USP13: variants seen among roughly 807,000 people sequenced by gnomAD.
USP13 encodes the protein ubiquitin specific peptidase 13, also known as ubiquitin carboxyl-terminal hydrolase 13.
In USP13, 68 loss-of-function variants were observed where a neutral mutation model predicts 107.8. The observed-to-expected ratio is 0.63, with a 90% CI of 0.52 to 0.77. The LOEUF (loss-of-function observed/expected upper bound fraction) is 0.77, where lower values mean the gene tolerates loss of function less well. Among genes scored for constraint, USP13 ranks in the 30% least tolerant of loss-of-function variants. USP13 has a pLI of 0.00. For missense variants in USP13, 945 were observed against 1,093.3 expected (o/e 0.86, Z 1.91); for synonymous variants, 377 against 389.5 (o/e 0.97, Z 0.38).
At chr3:179,698,779 G>A (rs1409041022) in intron 3 of USP13, among the ~76,000 whole-genome samples, 2 of 151,676 alleles carry the variant, frequency 1.3e-5, no homozygotes, top group Non-Finnish European at 2.9e-5. Flanking sequence ...GATGAATTTT[G>A]TGTTTTTAGC....
At chr3:179,763,739 C>A (rs766762026) in intron 17 of USP13, among the ~76,000 whole-genome samples, 1 of 152,090 alleles carries the variant, frequency 6.6e-6, no homozygotes, top group African/African-American at 2.4e-5. Flanking sequence ...GTGTGCACCA[C>A]CATGCCCTGC....
rs1044240938 is a variant in USP13, at chr3:179,690,164, C to T, written c.295-77C>T. ...TTGGCCTTCTGTAAAAACTAGGAAC[C>T]TCTGAGATGTGCTTTTCCCTCACAA... On this transcript the variant is annotated intron_variant, in intron 2 of 20. Coordinates refer to ENST00000263966, the MANE Select transcript of USP13 (RefSeq NM_003940.3). The T allele has an allele frequency of 4.3e-6, 6 of 1,397,738 alleles. No individual in the cohort carries two copies. The African/African-American group carries it at 8.6e-5, about 20-fold the overall frequency. The allele number at this position is 1,397,738 out of a possible 1,614,324, so 86.6% of individuals were successfully genotyped here.
At position 179,653,452 on chromosome 3, in the gene USP13, G is replaced by A. The variant is rs913317850; in HGVS notation, c.168+59G>A. The A allele has an allele frequency of 3.3e-6, 5 of 1,523,826 alleles. No homozygotes were observed. Among genetic ancestry groups the A allele is most frequent in the African/African-American group, 1.4e-5 (1 of 71,744 alleles). The allele number at this position is 1,523,826 out of a possible 1,614,324, so 94.4% of individuals were successfully genotyped here. On this transcript the variant is annotated intron_variant, in intron 1 of 20. Transcript: ENST00000263966. The surrounding 1 kb of genome is among the most constrained non-coding windows in gnomAD (Gnocchi z 4.0). ...CCGGCGGCCTGCGGCACGTGAAGCC[G>A]GGGGAGAAGATGCGCAGTGGCGGCC...
chr3:179,763,894 C>A, intron 17 of USP13, 108 bp from the exon 18 acceptor site: 3 of 1,381,492 alleles, frequency 2.2e-6, no homozygotes, highest in South Asian at 1.5e-5. Context: ...CCCAGACTGT[C>A]TTGATTATTA....
At chr3:179,666,673 C>A (rs1720595494) in intron 1 of USP13, among the ~76,000 whole-genome samples, 1 of 152,200 alleles carries the variant, frequency 6.6e-6, no homozygotes, top group African/African-American at 2.4e-5. Flanking sequence ...GGGTGCCTGG[C>A]ACAGGCTGCT....
rs146097870 is a variant in USP13 at position 179,665,753 on chromosome 3, T to C, written c.168+12360T>C. On this transcript the variant is annotated intron_variant, in intron 1 of 20. Transcript: ENST00000263966. ...GGCATGCACCACCATGCCCAGCTAATTTTTGTATTTTTAGTAGAGGCAGGG... is the reference window on the plus strand; with the variant it reads ...GGCATGCACCACCATGCCCAGCTAACTTTTGTATTTTTAGTAGAGGCAGGG... Among the ~76,000 whole-genome samples the C allele has an allele frequency of 4.3e-3, 653 of 152,186 alleles. 8 individuals carry two copies. Among genetic ancestry groups the C allele is most frequent in the African/African-American group, 0.015 (616 of 41,522 alleles).
At chr3:179,712,183 G>T (rs907696246) in intron 6 of USP13, among the ~76,000 whole-genome samples, 2 of 152,146 alleles carry the variant, frequency 1.3e-5, no homozygotes, top group Admixed American at 1.3e-4. Flanking sequence ...TATTCTTTGT[G>T]TATCTTTCGT....
Position 179,701,234 on chromosome 3 carries a change from C to T in USP13, c.477+105C>T, listed in dbSNP as rs1712510793. 1.2e-5 allele frequency: 15 copies of T among 1,241,562 alleles called. 1 individual carries two copies. In the South Asian group the frequency reaches 2.0e-4, roughly 17 times the overall value. The allele number at this position is 1,241,562 out of a possible 1,614,324, so 76.9% of individuals were successfully genotyped here. Reference sequence around the variant, plus strand: ...GGGGGTGGGGTGGGGTGGGAAAAGCCGGTTGAATGAGAGAAGAGGATGAAA... The same window carrying T: ...GGGGGTGGGGTGGGGTGGGAAAAGCTGGTTGAATGAGAGAAGAGGATGAAA... On this transcript the variant is annotated intron_variant, in intron 4 of 20. Coordinates refer to ENST00000263966, the MANE Select transcript of USP13 (RefSeq NM_003940.3).
At chr3:179,772,340 G>A (rs1018827792) in intron 19 of USP13, among the ~76,000 whole-genome samples, 1 of 152,244 alleles carries the variant, frequency 6.6e-6, no homozygotes, top group African/African-American at 2.4e-5. Context: ...AGAACTCACT[G>A]ATTGCCAATG....
Position 179,784,130 on chromosome 3 carries a change from A to G in USP13, c.2581A>G (p.Ile861Val), listed in dbSNP as rs1715843675. The change falls in exon 21 of 21, where the codon ATA (isoleucine) becomes GTA (valine). Residue 861 changes from isoleucine (I) to valine (V), a missense_variant. By Grantham distance (29) the Ile-to-Val change is conservative. Coordinates refer to ENST00000263966, the MANE Select transcript of USP13 (RefSeq NM_003940.3). ...GGGCTACATGTACTTTTACCGCAGG[A>G]TACCAAGCTAAACCTCAAATATAAA... ...DLGYMYFYRRIPS is the reference protein window; with the variant it reads ...DLGYMYFYRRVPS 15 of 1,610,124 alleles carry G rather than the reference A, an allele frequency of 9.3e-6. No homozygotes were observed. The highest frequency in any genetic ancestry group is 1.3e-5 in the Non-Finnish European group (15 of 1,178,910).
At chr3:179,656,074 T>C (rs1720251396) in intron 1 of USP13, among the ~76,000 whole-genome samples, 1 of 152,172 alleles carries the variant, frequency 6.6e-6, no homozygotes, top group African/African-American at 2.4e-5. Context: ...CCTGCATTGG[T>C]TACTGTTGAA....
intron 8 of USP13, 99 bp from the exon 9 acceptor site, chr3:179,730,090 C>A: frequency 9.0e-7 from 1 of 1,112,944 alleles, no homozygotes; most frequent in Non-Finnish European, 1.3e-6. Context: ...TTTAGTTTGA[C>A]AAAGGGGCAA....
At chr3:179,759,836 G>C (rs796629974) in intron 16 of USP13, among the ~76,000 whole-genome samples, 26 of 152,158 alleles carry the variant, frequency 1.7e-4, no homozygotes, top group African/African-American at 6.3e-4. Context: ...ACCACCCCCA[G>C]CTAACTTTTG....
chr3:179,692,540 G>A (rs1712149785), intron 3 of USP13, among the ~76,000 whole-genome samples: 1 of 152,196 alleles, frequency 6.6e-6, no homozygotes, highest in Non-Finnish European at 1.5e-5. Context: ...GAACCCCAAA[G>A]CTGAAATTAT....
chr3:179,771,835 A>G (rs1715351017), intron 19 of USP13, among the ~76,000 whole-genome samples: 1 of 152,250 alleles, frequency 6.6e-6, no homozygotes, highest in Non-Finnish European at 1.5e-5. Context: ...TGAATGTGGA[A>G]GTAATGCTAC....
chr3:179,713,582 G>A (rs1465579942), intron 6 of USP13, among the ~76,000 whole-genome samples: 3 of 152,018 alleles, frequency 2.0e-5, no homozygotes, highest in Non-Finnish European at 2.9e-5. Context: ...TTCCACACTC[G>A]CTGGGCTCAC....
rs1350806322 is a variant in USP13, at chr3:179,653,195, G to T, written c.-31G>T. ...AGACCCCGCGCTCCGGCTCCGGCTC[G>T]GCTCGCTCGGCTCCGGTGCGCGCCG... On this transcript the variant is annotated 5_prime_UTR_variant, in exon 1 of 21. Coordinates refer to ENST00000263966, the MANE Select transcript of USP13 (RefSeq NM_003940.3). This position sits in a 1 kb window ranked among gnomAD's most constrained non-coding sequence, Gnocchi z 4.0. 7.5e-7 allele frequency: 1 copy of T among 1,326,882 alleles called. No individual in the cohort carries two copies. The highest frequency in any genetic ancestry group is 2.7e-4 in the Middle Eastern group (1 of 3,698). The allele number at this position is 1,326,882 out of a possible 1,614,324, so 82.2% of individuals were successfully genotyped here.
chr3:179,770,313 T>C (rs865939813), intron 19 of USP13, among the ~76,000 whole-genome samples: 14 of 152,210 alleles, frequency 9.2e-5, no homozygotes, highest in African/African-American at 2.2e-4. Context: ...CAAAGCTGTA[T>C]GGTTTTCTTC....
intron 3 of USP13, among the ~76,000 whole-genome samples, chr3:179,695,313 AT>A (rs1246591274): frequency 3.3e-5 from 5 of 152,214 alleles, no homozygotes; most frequent in African/African-American, 1.2e-4. Context: ...TTTGTGAATA[AT>A]TCCTTTTCCA....
Sources: allele counts gnomAD v4.1 joint callset (sites outside exome capture counted in the v4.1 genomes callset), GRCh38; gene constraint gnomAD v4.1.1; non-coding constraint Gnocchi (gnomAD v3.1); transcripts MANE v1.5; gene names NCBI Gene and HGNC (gene_info 2026-07-23, HGNC 2026-07-21).